The following PALM2AKAP2 variants were observed in gnomAD, a reference collection of about 807,000 sequenced individuals.
PALM2AKAP2 encodes the protein PALM2 and AKAP2 fusion, also known as PALM2-AKAP2 fusion protein.
In PALM2AKAP2, 37 loss-of-function variants were observed where a neutral mutation model predicts 71.5. The observed-to-expected ratio is 0.52, with a 90% CI of 0.40 to 0.68. The LOEUF is 0.68. Among genes scored for constraint, PALM2AKAP2 ranks in the 30% least tolerant of loss-of-function variants. PALM2AKAP2 has a pLI of 0.00. For synonymous variants in PALM2AKAP2, 468 were observed against 478.8 expected, an observed-to-expected ratio of 0.98 and a Z score of 0.29; for missense variants, 1,224 against 1,191.8, an observed-to-expected ratio of 1.03 and a Z score of -0.40.
At chr9:110,170,458 G>A (rs1836835345) in exon 4 of PALM2AKAP2, 1 of 152,556 alleles carries the variant, frequency 6.6e-6, no homozygotes, top group East Asian at 1.9e-4. Context: ...ATTCACAAAT[G>A]AGAAGTAGGC....
At chr9:109,770,480 C>T (rs1170762435) in intron 1 of PALM2AKAP2, among the ~76,000 whole-genome samples, 1 of 152,228 alleles carries the variant, frequency 6.6e-6, no homozygotes, top group East Asian at 1.9e-4. Flanking sequence ...CCAAAAACCA[C>T]ACAGTAGAAC....
chr9:110,125,879 G>A (rs1354222125), intron 1 of PALM2AKAP2, among the ~76,000 whole-genome samples: 4 of 151,958 alleles, frequency 2.6e-5, no homozygotes, highest in Admixed American at 1.3e-4. Context: ...TATATGAGTC[G>A]TCTGTGGCAG....
intron 1 of PALM2AKAP2, among the ~76,000 whole-genome samples, chr9:109,660,766 A>G (rs1827381064): frequency 6.6e-6 from 1 of 152,172 alleles, no homozygotes; most frequent in Non-Finnish European, 1.5e-5. Flanking sequence ...TGGTTGAAAT[A>G]ATTTACACTG....
chr9:110,142,326 C>G, intron 2 of PALM2AKAP2, among the ~76,000 whole-genome samples: 1 of 152,090 alleles, frequency 6.6e-6, no homozygotes, highest in East Asian at 1.9e-4. Flanking sequence ...TGATCCGCCT[C>G]AGGTGATCCG....
intron 1 of PALM2AKAP2, among the ~76,000 whole-genome samples, chr9:109,792,376 C>T (rs147473787): frequency 1.6e-3 from 243 of 152,342 alleles, no homozygotes; most frequent in Middle Eastern, 3.4e-3. Context: ...ATCCTTCCAC[C>T]TCAGCTTCCT....
chr9:110,101,486 G>A (rs1276695003), intron 1 of PALM2AKAP2, among the ~76,000 whole-genome samples: 1 of 152,168 alleles, frequency 6.6e-6, no homozygotes, highest in African/African-American at 2.4e-5. Flanking sequence ...GATGGCCCAG[G>A]TCAAGGCAGA....
intron 2 of PALM2AKAP2, among the ~76,000 whole-genome samples, chr9:110,153,882 A>G (rs1392230225): frequency 1.3e-5 from 2 of 152,240 alleles, no homozygotes; most frequent in African/African-American, 4.8e-5. Flanking sequence ...CAGGAGTTCC[A>G]CTGTGCTGTG....
At chr9:109,848,632 C>T (rs533504148) in intron 1 of PALM2AKAP2, among the ~76,000 whole-genome samples, 3 of 152,154 alleles carry the variant, frequency 2.0e-5, no homozygotes, top group African/African-American at 7.2e-5. Context: ...TTGTCTATAG[C>T]TGCTTCTGTG....
intron 7 of PALM2AKAP2, among the ~76,000 whole-genome samples, chr9:110,038,629 G>C (rs1439178854): frequency 1.3e-5 from 2 of 151,972 alleles, no homozygotes; most frequent in Non-Finnish European, 2.9e-5. Flanking sequence ...GTAGGATCAA[G>C]AGAATTTCTC....
Position 109,689,104 on chromosome 9 carries a change from C to G in PALM2AKAP2, c.5+48238C>G, listed in dbSNP as rs182914312. 2.1e-3 allele frequency among the ~76,000 whole-genome samples: 317 copies of G among 152,114 alleles called. 1 individual carries two copies. Among genetic ancestry groups the G allele is most frequent in the Non-Finnish European group, 3.6e-3 (248 of 67,992 alleles). ...AGAGGGCTAGTGGTAATAAGAAGAA[C>G]TAAGCGAGTTCAGTGGTTGACTCTG... On this transcript the variant is annotated intron_variant, in intron 1 of 6. Transcript: ENST00000374531.
chr9:109,800,508 A>G (rs2131396364), intron 1 of PALM2AKAP2, among the ~76,000 whole-genome samples: 1 of 152,276 alleles, frequency 6.6e-6, no homozygotes, highest in Non-Finnish European at 1.5e-5. Context: ...GGGTTTGGCA[A>G]TTAAACGACT....
At chr9:109,772,578 G>C (rs976231890) in intron 1 of PALM2AKAP2, among the ~76,000 whole-genome samples, 1 of 152,158 alleles carries the variant, frequency 6.6e-6, no homozygotes, top group Non-Finnish European at 1.5e-5. Flanking sequence ...TTTTCTGCGT[G>C]TATTTAAGCT....
chr9:109,868,167 C>T (rs914544909), intron 2 of PALM2AKAP2, among the ~76,000 whole-genome samples: 2 of 152,044 alleles, frequency 1.3e-5, no homozygotes, highest in Non-Finnish European at 2.9e-5. Flanking sequence ...AGACGGGTCT[C>T]CATGGTACCA....
intron 7 of PALM2AKAP2, among the ~76,000 whole-genome samples, chr9:110,027,814 A>G (rs1434643469): frequency 1.3e-5 from 2 of 152,204 alleles, no homozygotes; most frequent in Non-Finnish European, 2.9e-5. Flanking sequence ...TTGCTTTTAA[A>G]AAAACATTCT....
chr9:109,955,482 A>G lies in PALM2AKAP2; in HGVS notation c.496+23454A>G, dbSNP rs185617393. On this transcript the variant is annotated intron_variant, in intron 6 of 9. Transcript: ENST00000302798. The stretch of plus-strand genomic sequence containing the variant: ...GATACTTTGTAGTCAACACCTCAAT[A>G]GTTCTGGAGGCTTCATGTTCCTTCT... Among the ~76,000 whole-genome samples the G allele has an allele frequency of 3.0e-3, 460 of 152,318 alleles. 1 individual carries two copies. Among genetic ancestry groups the G allele is most frequent in the Non-Finnish European group, 5.1e-3 (350 of 68,024 alleles).
chr9:110,073,249 C>T (rs896140477), intron 1 of PALM2AKAP2, among the ~76,000 whole-genome samples: 1 of 152,190 alleles, frequency 6.6e-6, no homozygotes, highest in Non-Finnish European at 1.5e-5. Context: ...CATTGCTGGT[C>T]TTGTGTTTTC....
chr9:109,760,581 T>C (rs1350581759), intron 1 of PALM2AKAP2: 1 of 152,130 alleles, frequency 6.6e-6, no homozygotes, highest in Non-Finnish European at 1.5e-5. Flanking sequence ...TTGAAGGACA[T>C]TGTTTTGTGG....
chr9:109,709,438 T>TGGGCCACTGCCTGTTGTTC (rs1828193181), intron 1 of PALM2AKAP2, among the ~76,000 whole-genome samples: 1 of 152,232 alleles, frequency 6.6e-6, no homozygotes, highest in Admixed American at 6.5e-5. Context: ...CTTGCTCACC[T>TGGGCCACTGCCTGTTGTTC]GGGCCACTGC....
At chr9:110,067,197 A>G (rs973468939) in intron 1 of PALM2AKAP2, among the ~76,000 whole-genome samples, 1 of 152,172 alleles carries the variant, frequency 6.6e-6, no homozygotes, top group Non-Finnish European at 1.5e-5. Context: ...TTGGGAGAAC[A>G]GTGCTATCAT....
Sources: gnomAD v4.1 joint callset for allele counts (sites outside exome capture counted in the v4.1 genomes callset) on GRCh38, gnomAD v4.1.1 for gene constraint, MANE v1.5 for transcripts, NCBI Gene and HGNC (gene_info 2026-07-23, HGNC 2026-07-21) for gene names.